Variants in SRCIN1 observed in about 807,000 individuals in gnomAD.
The protein encoded by SRCIN1 is SRC kinase signaling inhibitor 1.
SRCIN1 carries 50 observed loss-of-function variants against 116.2 expected under a neutral mutation model. That is an observed-to-expected ratio of 0.43 (90% CI 0.34 to 0.54). SRCIN1 has a LOEUF of 0.54. Among genes scored for constraint, SRCIN1 ranks in the 20% least tolerant of loss-of-function variants. The probability of loss-of-function intolerance (pLI) is 0.02; values close to 1 mark genes in which losing one functional copy is unlikely to be tolerated. For missense variants in SRCIN1, 1,446 were observed against 1,672.0 expected (o/e 0.86, Z 2.36); for synonymous variants, 736 against 750.0 (o/e 0.98, Z 0.30).
Position 38,544,044 on chromosome 17 carries a change from G to T in SRCIN1, c.3271-75C>A. 4.7e-6 allele frequency: 7 copies of T among 1,474,636 alleles called. No homozygotes were observed. The highest frequency in any genetic ancestry group is 5.4e-6 in the Non-Finnish European group (6 of 1,108,764). The allele number at this position is 1,474,636 out of a possible 1,614,324, so 91.3% of individuals were successfully genotyped here. On this transcript the variant is annotated intron_variant, in intron 17 of 18. Transcript: ENST00000617146. The surrounding 1 kb of genome is among the most constrained non-coding windows in gnomAD (Gnocchi z 4.5). The stretch of plus-strand genomic sequence containing the variant: ...TCACACAGGAACCCTAGCACTGGGT[G>T]GGGTCTCGGGGCTGGGACCTCCTCA...
chr17:38,547,114 A>G (rs1436703053), intron 17 of SRCIN1, among the ~76,000 whole-genome samples: 1 of 152,236 alleles, frequency 6.6e-6, no homozygotes, highest in Non-Finnish European at 1.5e-5. Context: ...GAATTTCCCA[A>G]TGCCAAAAGA....
chr17:38,606,062 G>C (rs1307567509), upstream of SRCIN1: 7 of 149,148 alleles, frequency 4.7e-5, no homozygotes, highest in Non-Finnish European at 1.0e-4. The surrounding 1 kb of genome is among the most constrained non-coding windows in gnomAD (Gnocchi z 5.2). Flanking sequence ...GGCGGGGGCG[G>C]GGGAGGGGAG....
intron 1 of SRCIN1, among the ~76,000 whole-genome samples, chr17:38,589,189 T>C (rs1294681121): frequency 2.0e-5 from 3 of 152,216 alleles, no homozygotes; most frequent in Non-Finnish European, 4.4e-5. Flanking sequence ...GTGCTGGGCT[T>C]ACAGGCGTGA....
intron 1 of SRCIN1, among the ~76,000 whole-genome samples, chr17:38,588,985 C>G (rs1285650923): frequency 1.3e-5 from 2 of 152,192 alleles, no homozygotes; most frequent in Admixed American, 1.3e-4. Flanking sequence ...CAGCAGGATT[C>G]CTCCGGGTTC....
chr17:38,569,673 AAAC>A (rs1237277744), intron 2 of SRCIN1, among the ~76,000 whole-genome samples: 3 of 152,124 alleles, frequency 2.0e-5, no homozygotes, highest in African/African-American at 7.2e-5. Flanking sequence ...ACAAACAAAC[AAAC>A]AACAACAACC....
At chr17:38,584,554 C>T (rs1430315646) in intron 1 of SRCIN1, among the ~76,000 whole-genome samples, 3 of 152,206 alleles carry the variant, frequency 2.0e-5, no homozygotes, top group Non-Finnish European at 4.4e-5. Context: ...GCTAGGAGGA[C>T]GGCACAGGTG....
intron 1 of SRCIN1, among the ~76,000 whole-genome samples, chr17:38,600,296 G>A (rs191221777): frequency 2.9e-4 from 44 of 152,314 alleles, no homozygotes; most frequent in Admixed American, 6.5e-4. Flanking sequence ...AGGTAAAAGC[G>A]ACCAAGGCAT....
At chr17:38,599,099 C>T (rs1464266201) in intron 1 of SRCIN1, among the ~76,000 whole-genome samples, 2 of 151,968 alleles carry the variant, frequency 1.3e-5, no homozygotes, top group African/African-American at 4.8e-5. Context: ...AGTCTTCCCA[C>T]CCTCCATGTG....
rs1298931210 is a variant in SRCIN1 at position 38,551,375 on chromosome 17, G to A, written c.2742C>T (p.Asp914=). The A allele has an allele frequency of 1.9e-6, 3 of 1,611,014 alleles. No individual in the cohort carries two copies. In the African/African-American group the frequency reaches 4.0e-5, roughly 22 times the overall value. The part of the protein sequence containing the change: ...KAVSVEAAER[D]WEEKRAALTQ... ...TCAGGGCTGCCCGCTTCTCCTCCCA[G>A]TCTCGCTCTGCAGCCTTAACAGGGA... is the stretch of plus-strand genomic sequence containing the variant. Residue 914 remains aspartate (D), a synonymous_variant, in exon 15 of 19, where the codon GAC becomes GAT. Transcript: ENST00000617146.
At position 38,559,678 on chromosome 17, in the gene SRCIN1, G is replaced by C; in HGVS notation, c.1932C>G (p.Ala644=). ...GAAGCTGCATCTGCAGCCGGCTAAC[G>C]GCGGTAGGCTGACCTGCGGGGGTGC... The part of the protein sequence containing the change: ...ASSTPAGQPT[A]VSRLQMQLHL... Residue 644 remains alanine, a synonymous_variant, in exon 10 of 19, where the codon GCC becomes GCG. Transcript: ENST00000617146. 3 of 1,599,640 alleles carry C rather than the reference G, an allele frequency of 1.9e-6. No individual in the cohort carries two copies. The highest frequency in any genetic ancestry group is 2.5e-6 in the Non-Finnish European group (3 of 1,178,356).
In SRCIN1 at chr17:38,568,146, G is replaced by C. The variant is rs1275451272; in HGVS notation, c.345+65C>G. The C allele has an allele frequency of 6.3e-7, 1 of 1,588,914 alleles. No individual in the cohort carries two copies. The highest frequency in any genetic ancestry group is 8.6e-7 in the Non-Finnish European group (1 of 1,160,156). ...CCCGGTGCAAAGCCTGTGCAAGGGA[G>C]AGGCAGGGGCAGGGGAGGGAGAGCA... On this transcript the variant is annotated intron_variant, in intron 3 of 18. Transcript: ENST00000617146. This position sits in a 1 kb window ranked among gnomAD's most constrained non-coding sequence, Gnocchi z 4.5.
intron 17 of SRCIN1, among the ~76,000 whole-genome samples, chr17:38,546,134 T>C (rs1905058896): frequency 6.6e-6 from 1 of 152,142 alleles, no homozygotes; most frequent in Non-Finnish European, 1.5e-5. Context: ...AAGCCCCAAG[T>C]ACCACTCCCC....
Position 38,530,142 on chromosome 17 carries a change from C to A in SRCIN1, c.*3155G>T, listed in dbSNP as rs2040899834. 6.6e-6 allele frequency: 1 copy of A among 152,296 alleles called. No homozygotes were observed. The highest frequency in any genetic ancestry group is 1.5e-5 in the Non-Finnish European group (1 of 68,112). 9.4% of individuals were successfully genotyped at this position (152,296 alleles called of 1,614,324 possible). A position where few individuals can be genotyped will look rare whatever the true frequency, so the allele number is the denominator to read the frequency against. On this transcript the variant is annotated 3_prime_UTR_variant, in exon 19 of 19. Transcript: ENST00000617146. ...AAAAAAGGACATTAAAAAAGAGAGACAGAGAAAACACAGCAACCCTTTTCC... is the reference window on the plus strand; with the variant it reads ...AAAAAAGGACATTAAAAAAGAGAGAAAGAGAAAACACAGCAACCCTTTTCC...
chr17:38,585,819 G>A lies in SRCIN1; in HGVS notation c.23-7028C>T, dbSNP rs1053687306. On this transcript the variant is annotated intron_variant, in intron 1 of 18. Transcript: ENST00000617146. The surrounding 1 kb of genome is among the most constrained non-coding windows in gnomAD (Gnocchi z 4.2). ...TCCCTGTCACTCCAACTAAAGCCTC[G>A]GAGATGAGGGCGTGTGATGGGGGAA... 4.6e-5 allele frequency among the ~76,000 whole-genome samples: 7 copies of A among 152,230 alleles called. No homozygotes were observed. The highest frequency in any genetic ancestry group is 1.3e-4 in the Admixed American group (2 of 15,286).
intron 14 of SRCIN1, 131 bp from the exon 15 acceptor site, chr17:38,551,520 G>A: frequency 4.9e-6 from 4 of 812,928 alleles, no homozygotes; most frequent in Non-Finnish European, 5.7e-6. Flanking sequence ...CCCACCTCCA[G>A]GAAGACACTT....
chr17:38,601,460 G>T (rs1044752465), intron 1 of SRCIN1, among the ~76,000 whole-genome samples: 3 of 152,150 alleles, frequency 2.0e-5, no homozygotes, highest in Admixed American at 2.0e-4. Flanking sequence ...AGCACCTGGG[G>T]GGCCGCGCGG....
intron 1 of SRCIN1, among the ~76,000 whole-genome samples, chr17:38,587,233 G>A (rs1908164145): frequency 6.6e-6 from 1 of 152,036 alleles, no homozygotes; most frequent in Admixed American, 6.5e-5. Flanking sequence ...GGGTCCTGGG[G>A]ACTCTCAAAG....
intron 14 of SRCIN1, 60 bp from the exon 15 acceptor site, chr17:38,551,449 C>A: frequency 7.1e-7 from 1 of 1,408,638 alleles, no homozygotes; most frequent in Non-Finnish European, 9.7e-7. Context: ...ACCTCTGGGG[C>A]CTCAGCCTCC....
chr17:38,601,460 G>A (rs1044752465), intron 1 of SRCIN1, among the ~76,000 whole-genome samples: 1 of 152,150 alleles, frequency 6.6e-6, no homozygotes, highest in Non-Finnish European at 1.5e-5. Context: ...AGCACCTGGG[G>A]GGCCGCGCGG....
Sources: allele counts gnomAD v4.1 joint callset (sites outside exome capture counted in the v4.1 genomes callset), GRCh38; gene constraint gnomAD v4.1.1; non-coding constraint Gnocchi (gnomAD v3.1); transcripts MANE v1.5; gene names NCBI Gene and HGNC (gene_info 2026-07-23, HGNC 2026-07-21).